The following KANK4 variants were observed in gnomAD, a reference collection of about 807,000 sequenced individuals.
The protein encoded by KANK4 is KN motif and ankyrin repeat domains 4, also known as KN motif and ankyrin repeat domain-containing protein 4.
In KANK4, 50 loss-of-function variants were observed where a neutral mutation model predicts 80.8. The observed-to-expected ratio is 0.62, with a 90% CI of 0.49 to 0.78. KANK4 has a LOEUF of 0.78. Among genes scored for constraint, KANK4 ranks in the 30% least tolerant of loss-of-function variants. The pLI is 0.00. For synonymous variants in KANK4, 465 were observed against 506.9 expected, an observed-to-expected ratio of 0.92 and a Z score of 1.11; for missense variants, 1,196 against 1,240.1, an observed-to-expected ratio of 0.96 and a Z score of 0.53.
At chr1:62,315,619 TC>T (rs1368348788) in intron 1 of KANK4, among the ~76,000 whole-genome samples, 1 of 151,760 alleles carries the variant, frequency 6.6e-6, no homozygotes, top group Non-Finnish European at 1.5e-5. Flanking sequence ...GAAAATTGAG[TC>T]CCCCCGCCCA....
At chr1:62,240,052 A>G (rs1479280401) in intron 9 of KANK4, among the ~76,000 whole-genome samples, 1 of 152,152 alleles carries the variant, frequency 6.6e-6, no homozygotes, top group African/African-American at 2.4e-5. Context: ...GGTGGGTCAA[A>G]TGGTATTTCT....
At chr1:62,238,508 C>T (rs891705134) in intron 9 of KANK4, 127 bp from the exon 10 acceptor site, 3 of 672,222 alleles carry the variant, frequency 4.5e-6, no homozygotes, top group Non-Finnish European at 5.2e-6. Flanking sequence ...CCAGAGACCT[C>T]GGTAGAGAAG....
chr1:62,272,307 T>G (rs558366013), intron 3 of KANK4: 1 of 152,572 alleles, frequency 6.6e-6, no homozygotes, highest in Admixed American at 6.5e-5. Context: ...CTTAATCTCC[T>G]GCCCCTGTAC....
intron 7 of KANK4, among the ~76,000 whole-genome samples, chr1:62,256,672 C>T (rs953105634): frequency 6.6e-6 from 1 of 152,152 alleles, no homozygotes; most frequent in Non-Finnish European, 1.5e-5. Context: ...CATGAGCCGT[C>T]GCGCCTGGCT....
intron 8 of KANK4, among the ~76,000 whole-genome samples, chr1:62,250,993 T>C (rs1002524057): frequency 2.6e-5 from 4 of 152,238 alleles, no homozygotes; most frequent in South Asian, 4.1e-4. Context: ...TCTTGCTTTT[T>C]TGCACATCTT....
intron 2 of KANK4, among the ~76,000 whole-genome samples, chr1:62,279,198 G>GCACACACACACACACACACA (rs10560623): frequency 2.1e-5 from 3 of 146,182 alleles, no homozygotes; most frequent in Admixed American, 1.4e-4. Context: ...GCTAGCGCGC[G>GCACACACACACACACACACA]CACACACACA....
At chr1:62,269,534 T>C (rs1007295807) in intron 4 of KANK4, among the ~76,000 whole-genome samples, 2 of 152,214 alleles carry the variant, frequency 1.3e-5, no homozygotes, top group African/African-American at 4.8e-5. Flanking sequence ...TGTTTGTGAT[T>C]AAGAGAGTGG....
intron 1 of KANK4, among the ~76,000 whole-genome samples, chr1:62,300,935 G>A (rs1425408111): frequency 1.3e-5 from 2 of 151,940 alleles, no homozygotes; most frequent in African/African-American, 2.4e-5. Context: ...TCTTGTAAGA[G>A]AACAGAAGCT....
At chr1:62,255,513 A>G (rs939082995) in intron 7 of KANK4, among the ~76,000 whole-genome samples, 5 of 151,286 alleles carry the variant, frequency 3.3e-5, no homozygotes, top group East Asian at 3.9e-4. Context: ...GGTTCAAGCA[A>G]TCCTTCCTTA....
chr1:62,268,193 A>G, intron 5 of KANK4, 94 bp downstream of exon 5: 1 of 957,750 alleles, frequency 1.0e-6, no homozygotes, highest in Non-Finnish European at 1.7e-6. Flanking sequence ...ATGGATGGGT[A>G]CATGAATGAA....
chr1:62,308,074 C>A (rs1644467783), intron 1 of KANK4, among the ~76,000 whole-genome samples: 1 of 152,156 alleles, frequency 6.6e-6, no homozygotes, highest in East Asian at 1.9e-4. Context: ...ATCAGACTGG[C>A]AAGTGGCAGG....
At chr1:62,312,874 G>A (rs1433758531) in intron 1 of KANK4, among the ~76,000 whole-genome samples, 2 of 152,190 alleles carry the variant, frequency 1.3e-5, no homozygotes, top group Non-Finnish European at 2.9e-5. Flanking sequence ...CAGCTGTACT[G>A]GAAGAATGAC....
At chr1:62,289,962 T>C (rs1202867116) in intron 1 of KANK4, among the ~76,000 whole-genome samples, 1 of 152,146 alleles carries the variant, frequency 6.6e-6, no homozygotes, top group Admixed American at 6.5e-5. Context: ...GCTTTGCTTG[T>C]GAAATAAGAC....
chr1:62,249,046 C>T lies in KANK4; in HGVS notation c.2683-1374G>A, dbSNP rs369920816. Among the ~76,000 whole-genome samples, 7 of 147,992 alleles carry T rather than the reference C, an allele frequency of 4.7e-5. No homozygotes were observed. In the East Asian group the frequency reaches 8.2e-4, roughly 17 times the overall value. ...AAAATTAGCTAGGTATGGTGGCGGGCGCCTGCTATTCGGGAGGCTGAGGCA... is the reference window on the plus strand; with the variant it reads ...AAAATTAGCTAGGTATGGTGGCGGGTGCCTGCTATTCGGGAGGCTGAGGCA... On this transcript the variant is annotated intron_variant, in intron 8 of 9. Transcript: ENST00000371153.
chr1:62,236,351 C>T lies in KANK4; in HGVS notation c.*1926G>A, dbSNP rs1671200276. ...GGTGATTTGTATGCACATAAATGTTCGCGAAGCACCGGGCTAGAACATTTA... is the reference window on the plus strand; with the variant it reads ...GGTGATTTGTATGCACATAAATGTTTGCGAAGCACCGGGCTAGAACATTTA... On this transcript the variant is annotated 3_prime_UTR_variant, in exon 10 of 10. Transcript: ENST00000371153. 6.6e-6 allele frequency among the ~76,000 whole-genome samples: 1 copy of T among 152,128 alleles called. No homozygotes were observed. Among genetic ancestry groups the T allele is most frequent in the Admixed American group, 6.5e-5 (1 of 15,272 alleles).
chr1:62,250,678 G>A (rs889120551), intron 8 of KANK4, among the ~76,000 whole-genome samples: 3 of 150,226 alleles, frequency 2.0e-5, no homozygotes, highest in Non-Finnish European at 4.4e-5. Flanking sequence ...TGATCCTCTT[G>A]CAAGCAACCC....
At chr1:62,238,725 G>A (rs1671269414) in intron 9 of KANK4, among the ~76,000 whole-genome samples, 1 of 151,828 alleles carries the variant, frequency 6.6e-6, no homozygotes, top group Admixed American at 6.6e-5. Context: ...CGTCTCCTGG[G>A]CTCAGGTGAT....
At chr1:62,290,405 G>A (rs1672654461) in intron 1 of KANK4, among the ~76,000 whole-genome samples, 2 of 152,146 alleles carry the variant, frequency 1.3e-5, no homozygotes, top group South Asian at 4.1e-4. Context: ...CATGGGCTTT[G>A]AGGTAAGACA....
intron 1 of KANK4, among the ~76,000 whole-genome samples, chr1:62,304,577 G>T (rs1644436413): frequency 6.6e-6 from 1 of 151,744 alleles, no homozygotes; most frequent in Non-Finnish European, 1.5e-5. Flanking sequence ...GACCTCAGGT[G>T]ACCTCCAAAC....
Sources: allele counts gnomAD v4.1 joint callset (sites outside exome capture counted in the v4.1 genomes callset), GRCh38; gene constraint gnomAD v4.1.1; transcripts MANE v1.5; gene names NCBI Gene and HGNC (gene_info 2026-07-23, HGNC 2026-07-21).